The following DLGAP1 variants were observed in gnomAD, a reference collection of about 807,000 sequenced individuals.
DLGAP1 encodes the protein DLG associated protein 1.
DLGAP1 carries 11 observed loss-of-function variants against 90.8 expected under a neutral mutation model. The ratio of observed to expected loss-of-function variants is 0.12; its 90% CI spans 0.08 to 0.20. The LOEUF (loss-of-function observed/expected upper bound fraction) is 0.20, where lower values mean the gene tolerates loss of function less well. Among genes scored for constraint, DLGAP1 ranks in the 10% least tolerant of loss-of-function variants. DLGAP1 has a pLI of 1.00. For synonymous variants in DLGAP1, 558 were observed against 540.7 expected, an observed-to-expected ratio of 1.03 and a Z score of -0.44; for missense variants, 1,050 against 1,333.8, an observed-to-expected ratio of 0.79 and a Z score of 3.31.
At chr18:3,739,135 G>A (rs2147608653) in intron 6 of DLGAP1, among the ~76,000 whole-genome samples, 1 of 120,548 alleles carries the variant, frequency 8.3e-6, no homozygotes, top group East Asian at 2.7e-4. Context: ...AACAGGTGCT[G>A]GAGAGGATGT....
At position 3,970,471 on chromosome 18, in the gene DLGAP1, C is replaced by A. The variant is rs181939011; in HGVS notation, c.-73+34645G>T. ...GAACCTTTGTACTTTAACTCAAATA[C>A]ACTGTCAAAAGCGATTTTACAACAA... On this transcript the variant is annotated intron_variant, in intron 3 of 12. Transcript: ENST00000315677. Among the ~76,000 whole-genome samples, 113 of 152,232 alleles carry A rather than the reference C, an allele frequency of 7.4e-4. 1 individual carries two copies. Among genetic ancestry groups the A allele is most frequent in the Non-Finnish European group, 1.3e-3 (91 of 68,008 alleles).
chr18:3,975,511 CTTGGTGG>C (rs1399257190), intron 3 of DLGAP1, among the ~76,000 whole-genome samples: 1 of 152,072 alleles, frequency 6.6e-6, no homozygotes, highest in Admixed American at 6.6e-5. Flanking sequence ...TGGAAAATGG[CTTGGTGG>C]TTGTTAAAAA....
intron 1 of DLGAP1, among the ~76,000 whole-genome samples, chr18:4,427,118 G>A (rs894853849): frequency 1.3e-5 from 2 of 152,174 alleles, no homozygotes; most frequent in Admixed American, 6.5e-5. Context: ...TTATCATCTT[G>A]TAAACATAAG....
chr18:3,714,410 T>A (rs1195387403), intron 7 of DLGAP1, among the ~76,000 whole-genome samples: 1 of 151,568 alleles, frequency 6.6e-6, no homozygotes, highest in Non-Finnish European at 1.5e-5. Context: ...GGAAATACAA[T>A]CCCAGAAGGG....
At chr18:4,172,104 A>G (rs2077036291) in intron 1 of DLGAP1, among the ~76,000 whole-genome samples, 1 of 152,190 alleles carries the variant, frequency 6.6e-6, no homozygotes, top group Non-Finnish European at 1.5e-5. Flanking sequence ...CAATAACATC[A>G]TCATATTTCA....
At chr18:4,421,490 G>A (rs991697406) in intron 1 of DLGAP1, among the ~76,000 whole-genome samples, 3 of 151,990 alleles carry the variant, frequency 2.0e-5, no homozygotes, top group Non-Finnish European at 4.4e-5. Flanking sequence ...CCAGGATTAG[G>A]ACATGAACAT....
At chr18:3,893,462 C>T (rs145467589) in intron 3 of DLGAP1, among the ~76,000 whole-genome samples, 1 of 151,798 alleles carries the variant, frequency 6.6e-6, no homozygotes, top group African/African-American at 2.4e-5. Flanking sequence ...GCTTGTAATT[C>T]CAGCTACTCA....
chr18:3,701,104 T>C (rs377765232), intron 7 of DLGAP1, among the ~76,000 whole-genome samples: 53 of 152,160 alleles, frequency 3.5e-4, no homozygotes, highest in African/African-American at 1.3e-3. Flanking sequence ...TGGTCTTGAA[T>C]TCCTGGCTCA....
chr18:4,253,043 A>C (rs1047336287), intron 1 of DLGAP1, among the ~76,000 whole-genome samples: 1 of 152,212 alleles, frequency 6.6e-6, no homozygotes, highest in Non-Finnish European at 1.5e-5. Context: ...AGACAAACAC[A>C]GGCAATTGCT....
At chr18:4,325,031 G>A (rs1261570357) in intron 1 of DLGAP1, among the ~76,000 whole-genome samples, 2 of 152,072 alleles carry the variant, frequency 1.3e-5, no homozygotes, top group Non-Finnish European at 2.9e-5. Context: ...TCAGGCAAGA[G>A]AAAGAAAAGA....
chr18:3,622,271 A>G (rs2058124586), intron 7 of DLGAP1, among the ~76,000 whole-genome samples: 1 of 151,746 alleles, frequency 6.6e-6, no homozygotes, highest in Non-Finnish European at 1.5e-5. Flanking sequence ...CGCCCGGCTA[A>G]TTTTTTGTAT....
intron 4 of DLGAP1, chr18:3,874,153 C>T (rs1320073558): frequency 7.7e-6 from 12 of 1,550,058 alleles, no homozygotes; most frequent in Non-Finnish European, 1.0e-5. Flanking sequence ...TATACCCAAA[C>T]CTGGTCAGTC....
intron 2 of DLGAP1, among the ~76,000 whole-genome samples, chr18:4,085,676 A>T (rs2075671696): frequency 6.6e-6 from 1 of 152,100 alleles, no homozygotes; most frequent in Admixed American, 6.5e-5. Flanking sequence ...CTTGTTGACA[A>T]CTCACCCTGC....
chr18:4,298,771 T>TAA (rs35138786), intron 1 of DLGAP1, among the ~76,000 whole-genome samples: 1 of 96,560 alleles, frequency 1.0e-5, no homozygotes, highest in East Asian at 2.9e-4. Flanking sequence ...TTTAAATAAA[T>TAA]AAAAAAAAAA....
intron 1 of DLGAP1, among the ~76,000 whole-genome samples, chr18:4,158,904 TTGAG>T (rs962126922): frequency 1.3e-5 from 2 of 152,150 alleles, no homozygotes; most frequent in African/African-American, 4.8e-5. Flanking sequence ...ATTGCATATA[TTGAG>T]TATGTACAGC....
At chr18:4,436,828 T>A (rs2083411993) in intron 1 of DLGAP1, among the ~76,000 whole-genome samples, 1 of 152,202 alleles carries the variant, frequency 6.6e-6, no homozygotes, top group Admixed American at 6.5e-5. Flanking sequence ...CATTGGTGTC[T>A]AACAGTGATT....
chr18:3,957,503 G>A (rs184573942), intron 3 of DLGAP1, among the ~76,000 whole-genome samples: 1 of 152,204 alleles, frequency 6.6e-6, no homozygotes, highest in Non-Finnish European at 1.5e-5. Flanking sequence ...GGGATGACAC[G>A]TTCTAACTGA....
At chr18:3,841,549 A>G (rs1329159484) in intron 4 of DLGAP1, among the ~76,000 whole-genome samples, 1 of 152,222 alleles carries the variant, frequency 6.6e-6, no homozygotes, top group African/African-American at 2.4e-5. Flanking sequence ...CACGTGGAAA[A>G]TAGAAAGAAC....
chr18:3,979,227 C>T (rs920305122), intron 3 of DLGAP1, among the ~76,000 whole-genome samples: 1 of 130,490 alleles, frequency 7.7e-6, no homozygotes, highest in Non-Finnish European at 1.7e-5. Flanking sequence ...GACTATAGAG[C>T]CCTATTTTTA....
Sources: gnomAD v4.1 joint callset for allele counts (sites outside exome capture counted in the v4.1 genomes callset) on GRCh38, gnomAD v4.1.1 for gene constraint, MANE v1.5 for transcripts, NCBI Gene and HGNC (gene_info 2026-07-23, HGNC 2026-07-21) for gene names.